VAC14: variants seen among roughly 807,000 people sequenced by gnomAD.
The protein encoded by VAC14 is VAC14 component of PIKFYVE complex, also known as protein VAC14 homolog.
A neutral mutation model predicts 85.3 loss-of-function variants in VAC14; 47 were observed. That is an observed-to-expected ratio of 0.55 (90% CI 0.44 to 0.70). The LOEUF (loss-of-function observed/expected upper bound fraction) is 0.70, where lower values mean the gene tolerates loss of function less well. VAC14 is among the 30% of genes least tolerant of loss of function. The pLI is 0.00. For synonymous variants in VAC14, 447 were observed against 430.5 expected, an observed-to-expected ratio of 1.04 and a Z score of -0.47; for missense variants, 861 against 1,004.3, an observed-to-expected ratio of 0.86 and a Z score of 1.93.
intron 10 of VAC14, chr16:70,770,636 A>G (rs990585220): frequency 2.0e-5 from 3 of 152,004 alleles, no homozygotes; most frequent in African/African-American, 7.3e-5. Flanking sequence ...CCTCACATCA[A>G]TCACTCCTCT....
intron 14 of VAC14, among the ~76,000 whole-genome samples, chr16:70,707,248 G>C (rs983620093): frequency 6.6e-6 from 1 of 152,262 alleles, no homozygotes; most frequent in African/African-American, 2.4e-5. Context: ...TCAGGGCAAA[G>C]GCAGCCATGG....
chr16:70,757,932 G>T (rs900778239), intron 12 of VAC14, among the ~76,000 whole-genome samples: 1 of 152,176 alleles, frequency 6.6e-6, no homozygotes, highest in Non-Finnish European at 1.5e-5. Context: ...CCATCAAGTG[G>T]CAGAGCCCAA....
intron 13 of VAC14, among the ~76,000 whole-genome samples, chr16:70,737,926 TGGGGTTG>T (rs2054812803): frequency 6.6e-6 from 1 of 152,192 alleles, no homozygotes; most frequent in Non-Finnish European, 1.5e-5. Context: ...CCCTCCCTGC[TGGGGTTG>T]GGGTCCATGT....
At position 70,763,039 on chromosome 16, in the gene VAC14, C is replaced by CGGGA. The variant is rs771015648; in HGVS notation, c.1161-18_1161-15dup. On this transcript the variant is annotated splice_polypyrimidine_tract_variant and intron_variant, in intron 10 of 18. Coordinates refer to ENST00000261776, the MANE Select transcript of VAC14 (RefSeq NM_018052.5). ...GCTCTTTCAGTGCTGTGGGTAAGAT[C>CGGGA]GGGAGGGAGAGCAGAGGTGAAGCCC... 2 of 1,614,034 alleles carry CGGGA rather than the reference C, an allele frequency of 1.2e-6. No individual in the cohort carries two copies. The highest frequency in any genetic ancestry group is 3.3e-5 in the Admixed American group (2 of 60,016).
intron 14 of VAC14, 102 bp from the exon 15 acceptor site, chr16:70,698,913 C>T: frequency 9.8e-7 from 1 of 1,022,816 alleles, no homozygotes; most frequent in Non-Finnish European, 1.3e-6. Flanking sequence ...CCTGGGGAAA[C>T]TGCTCTTTCC....
chr16:70,748,038 G>C (rs2031060748), intron 12 of VAC14: 1 of 152,158 alleles, frequency 6.6e-6, no homozygotes, highest in Non-Finnish European at 1.5e-5. Flanking sequence ...CTTGTCACCA[G>C]TCTCACCTCA....
At chr16:70,793,084 C>T (rs950979682) in intron 1 of VAC14, among the ~76,000 whole-genome samples, 3 of 152,220 alleles carry the variant, frequency 2.0e-5, no homozygotes, top group African/African-American at 4.8e-5. Context: ...CACCCAATTA[C>T]AGATGGCAAT....
chr16:70,688,086 T>C lies in VAC14; in HGVS notation c.2191A>G (p.Ser731Gly). ...TGGGACTTGGGGGCTGCCTTTAGACTGTCTCTGGGAAGAGGGAGCAGAAAT... is the reference window on the plus strand; with the variant it reads ...TGGGACTTGGGGGCTGCCTTTAGACCGTCTCTGGGAAGAGGGAGCAGAAAT... ...PNPELLQTED[S>G]LKAAPKSQKA... is the part of the protein sequence containing the mutation. Residue 731 changes from serine (S) to glycine (G), a missense_variant, in exon 19 of 19, where the codon AGT (serine) becomes GGT (glycine). Ser to Gly is a moderately conservative substitution (Grantham distance 56). Around this residue, in one of 3 missense-constraint regions of VAC14, gnomAD observed 163 missense variants for 162.2 expected, o/e 1.00. Coordinates refer to ENST00000261776, the MANE Select transcript of VAC14 (RefSeq NM_018052.5). 1 of 1,573,002 alleles carries C rather than the reference T, an allele frequency of 6.4e-7. No homozygotes were observed. Among genetic ancestry groups the C allele is most frequent in the Non-Finnish European group, 8.7e-7 (1 of 1,155,954 alleles).
At chr16:70,688,205 C>A (rs534883998) in intron 18 of VAC14, 115 bp from the exon 19 acceptor site, 2 of 1,341,226 alleles carry the variant, frequency 1.5e-6, no homozygotes, top group Non-Finnish European at 9.6e-7. Context: ...GGCCTGTGGG[C>A]GTCTGTCTCA....
intron 14 of VAC14, among the ~76,000 whole-genome samples, chr16:70,729,977 C>T (rs1043488074): frequency 4.0e-5 from 6 of 151,870 alleles, no homozygotes; most frequent in Non-Finnish European, 8.8e-5. Context: ...AACATGCACC[C>T]CCTCCTCACT....
intron 13 of VAC14, among the ~76,000 whole-genome samples, chr16:70,734,991 C>T (rs2054704780): frequency 6.6e-6 from 1 of 152,124 alleles, no homozygotes; most frequent in Non-Finnish European, 1.5e-5. Context: ...CACTAATGTT[C>T]GGACATGTTT....
At chr16:70,701,755 T>G (rs79946690) in intron 14 of VAC14, among the ~76,000 whole-genome samples, 2,580 of 152,296 alleles carry the variant, frequency 0.017, 26 homozygotes, top group Middle Eastern at 0.054. Flanking sequence ...CACCTCGGCC[T>G]ATAGGGTCTC....
In VAC14 at chr16:70,774,321, T is replaced by C. The variant is rs112212903; in HGVS notation, c.1097-2149A>G. ...TCTGCAGAATGTCTCCCCGTTTGGG[T>C]TGGTCTCACGTTTTCTCACGAGTAG... On this transcript the variant is annotated intron_variant, in intron 9 of 18. Transcript: ENST00000261776. Among the ~76,000 whole-genome samples the C allele has an allele frequency of 2.1e-4, 32 of 152,248 alleles. 1 individual carries two copies. The highest frequency in any genetic ancestry group is 7.5e-4 in the African/African-American group (31 of 41,532).
At chr16:70,800,706 G>T (rs563967496) in intron 1 of VAC14, 91 bp downstream of exon 1, 413 of 1,183,686 alleles carry the variant, frequency 3.5e-4, no homozygotes, top group Middle Eastern at 1.5e-3. Context: ...ACCTGGGAAA[G>T]TAACCCTGGC....
chr16:70,724,218 G>A (rs532757240), intron 14 of VAC14, among the ~76,000 whole-genome samples: 4 of 152,276 alleles, frequency 2.6e-5, no homozygotes, highest in African/African-American at 9.6e-5. Context: ...TGCCACATGT[G>A]GTATCCATTT....
intron 14 of VAC14, among the ~76,000 whole-genome samples, chr16:70,704,318 A>C (rs771608672): frequency 7.9e-5 from 12 of 152,198 alleles, no homozygotes; most frequent in Non-Finnish European, 1.5e-5. Context: ...CGGTGGGAGA[A>C]AGGCATGGAT....
At chr16:70,761,111 G>A (rs201751546) in intron 12 of VAC14, 7 of 445,570 alleles carry the variant, frequency 1.6e-5, no homozygotes, top group Non-Finnish European at 3.2e-5. Context: ...AAACCTCAGA[G>A]GACCTAGAGG....
At chr16:70,783,582 A>T (rs1435851197) in intron 5 of VAC14, 28 bp from the exon 6 acceptor site, 2 of 1,607,296 alleles carry the variant, frequency 1.2e-6, no homozygotes, top group Admixed American at 3.3e-5. Flanking sequence ...ACAGGAGGGG[A>T]AGTCAGCTCC....
At chr16:70,724,167 C>T (rs1274570672) in intron 14 of VAC14, among the ~76,000 whole-genome samples, 1 of 152,198 alleles carries the variant, frequency 6.6e-6, no homozygotes, top group African/African-American at 2.4e-5. Context: ...CCTCATACCC[C>T]AGGTCAGACC....
Sources: gnomAD v4.1 joint callset for allele counts (sites outside exome capture counted in the v4.1 genomes callset) on GRCh38, gnomAD v4.1.1 for gene constraint, gnomAD v4.1.1 regional missense constraint, MANE v1.5 for transcripts, NCBI Gene and HGNC (gene_info 2026-07-23, HGNC 2026-07-21) for gene names.